Variants in EML6 observed in about 807,000 individuals in gnomAD.
EML6 encodes echinoderm microtubule-associated protein-like 6.
Under a neutral mutation model 240.1 loss-of-function variants are expected in EML6, and 154 were observed. The observed-to-expected ratio is 0.64, with a 90% confidence interval of 0.56 to 0.73. The LOEUF is 0.73. Among genes scored for constraint, EML6 ranks in the 30% least tolerant of loss-of-function variants. The pLI is 0.00. For synonymous variants in EML6, 1,148 were observed against 899.0 expected (o/e 1.28, Z -4.95); for missense variants, 2,964 against 2,474.6 (o/e 1.20, Z -4.20).
chr2:54,965,721 G>C (rs1439976973), intron 38 of EML6, among the ~76,000 whole-genome samples: 55 of 152,152 alleles, frequency 3.6e-4, no homozygotes, highest in Admixed American at 3.5e-3. Context: ...GATCTGGGTG[G>C]GGCCAGCTGA....
chr2:54,782,710 C>G (rs1397983102), intron 2 of EML6, among the ~76,000 whole-genome samples: 1 of 145,472 alleles, frequency 6.9e-6, no homozygotes, highest in East Asian at 2.0e-4. Context: ...GTCTTCTTCT[C>G]TAAGATGCTT....
intron 2 of EML6, among the ~76,000 whole-genome samples, chr2:54,770,696 C>A (rs1336726040): frequency 2.0e-5 from 3 of 152,200 alleles, no homozygotes; most frequent in Non-Finnish European, 4.4e-5. Context: ...GTTCACAAAT[C>A]TAGGGGTAAT....
At chr2:54,792,144 G>C (rs1669487494) in intron 2 of EML6, among the ~76,000 whole-genome samples, 1 of 152,148 alleles carries the variant, frequency 6.6e-6, no homozygotes, top group Non-Finnish European at 1.5e-5. Context: ...AGTGGGAAAT[G>C]GGAAAACATT....
intron 5 of EML6, among the ~76,000 whole-genome samples, chr2:54,826,089 T>C (rs1187079304): frequency 6.6e-6 from 1 of 152,214 alleles, no homozygotes; most frequent in Non-Finnish European, 1.5e-5. Context: ...TTCATTTGCC[T>C]CTGCATTGAT....
intron 2 of EML6, among the ~76,000 whole-genome samples, chr2:54,777,192 C>T (rs900716074): frequency 6.6e-6 from 1 of 152,100 alleles, no homozygotes; most frequent in African/African-American, 2.4e-5. Flanking sequence ...AAAATGAATA[C>T]TTCCTTTGGT....
intron 2 of EML6, among the ~76,000 whole-genome samples, chr2:54,733,225 A>AT (rs1683248674): frequency 6.6e-6 from 1 of 152,182 alleles, no homozygotes; most frequent in Admixed American, 6.5e-5. Flanking sequence ...TGGTCAGAGA[A>AT]TTTTTCTAAG....
intron 7 of EML6, among the ~76,000 whole-genome samples, chr2:54,831,161 G>A (rs953273438): frequency 6.6e-6 from 1 of 152,168 alleles, no homozygotes; most frequent in Non-Finnish European, 1.5e-5. Flanking sequence ...ACCAAAACAT[G>A]TACTTAGAGA....
intron 2 of EML6, among the ~76,000 whole-genome samples, chr2:54,732,680 T>C (rs1558512819): frequency 1.3e-5 from 2 of 152,246 alleles, no homozygotes; most frequent in Non-Finnish European, 2.9e-5. Context: ...TTAAAGAGGT[T>C]AACCTAGAAG....
intron 17 of EML6, 177 bp downstream of exon 17, chr2:54,879,817 C>G: frequency 1.7e-6 from 1 of 592,932 alleles, no homozygotes; most frequent in Non-Finnish European, 3.0e-6. Context: ...TGACTTAGAG[C>G]AGGTCATGTT....
chr2:54,745,794 G>A (rs1258127372), intron 2 of EML6, among the ~76,000 whole-genome samples: 2 of 151,972 alleles, frequency 1.3e-5, no homozygotes, highest in Admixed American at 6.6e-5. Context: ...AATAAAAAGA[G>A]CTTAAGATAA....
chr2:54,791,243 G>C (rs1375932174), intron 2 of EML6, among the ~76,000 whole-genome samples: 3 of 152,144 alleles, frequency 2.0e-5, no homozygotes, highest in African/African-American at 7.2e-5. Context: ...ATGCCTGATC[G>C]GGAAGTGACG....
intron 24 of EML6, among the ~76,000 whole-genome samples, chr2:54,905,596 TA>T (rs1356627843): frequency 6.6e-6 from 1 of 152,188 alleles, no homozygotes; most frequent in Non-Finnish European, 1.5e-5. Context: ...TCAAGGACGT[TA>T]AAAACATTGA....
chr2:54,895,050 G>C, intron 20 of EML6, 24 bp downstream of exon 20: 2 of 1,497,408 alleles, frequency 1.3e-6, no homozygotes, highest in East Asian at 4.9e-5. Context: ...ACATGTAATA[G>C]AGATCTTTGT....
intron 28 of EML6, among the ~76,000 whole-genome samples, chr2:54,931,849 A>G (rs1354506227): frequency 6.6e-6 from 1 of 152,220 alleles, no homozygotes; most frequent in Admixed American, 6.5e-5. Context: ...ACCTAAAAGC[A>G]ATTAGAAACC....
intron 13 of EML6, among the ~76,000 whole-genome samples, chr2:54,865,020 C>G (rs1435629279): frequency 6.6e-6 from 1 of 152,102 alleles, no homozygotes; most frequent in Non-Finnish European, 1.5e-5. Context: ...GCCATACAAC[C>G]CTGAACGTAG....
At chr2:54,734,798 T>C (rs1357391845) in intron 2 of EML6, among the ~76,000 whole-genome samples, 1 of 152,228 alleles carries the variant, frequency 6.6e-6, no homozygotes, top group Non-Finnish European at 1.5e-5. Flanking sequence ...CGTTGGATGA[T>C]TTAGTGAGTG....
intron 7 of EML6, among the ~76,000 whole-genome samples, chr2:54,841,134 G>C (rs889512717): frequency 6.6e-6 from 1 of 152,258 alleles, no homozygotes; most frequent in African/African-American, 2.4e-5. Context: ...TGGGCGCAAG[G>C]CCGTGTGGTT....
chr2:54,801,091 C>T (rs771856401), intron 2 of EML6, among the ~76,000 whole-genome samples: 15 of 152,056 alleles, frequency 9.9e-5, no homozygotes, highest in Admixed American at 1.3e-4. Flanking sequence ...GAGGCTGAGG[C>T]GGGCTGATCA....
intron 24 of EML6, among the ~76,000 whole-genome samples, chr2:54,906,349 G>A (rs990831150): frequency 6.6e-6 from 1 of 152,232 alleles, no homozygotes; most frequent in African/African-American, 2.4e-5. Context: ...GTCCCAGATA[G>A]AAAGCACAAG....
Sources: allele counts gnomAD v4.1 joint callset (sites outside exome capture counted in the v4.1 genomes callset), GRCh38; gene constraint gnomAD v4.1.1; transcripts MANE v1.5; gene names NCBI Gene and HGNC (gene_info 2026-07-23, HGNC 2026-07-21).